VAC14: variants seen among roughly 807,000 people sequenced by gnomAD.
VAC14 encodes VAC14 component of PIKFYVE complex.
VAC14 carries 47 observed loss-of-function variants against 85.3 expected under a neutral mutation model. The observed-to-expected ratio is 0.55, with a 90% CI of 0.44 to 0.70. The LOEUF (loss-of-function observed/expected upper bound fraction) is 0.70. Ranked by LOEUF, VAC14 falls within the 30% of genes least tolerant of loss-of-function variation. VAC14 has a pLI of 0.00. For missense variants in VAC14, 861 were observed against 1,004.3 expected, an observed-to-expected ratio of 0.86 and a Z score of 1.93; for synonymous variants, 447 against 430.5, an observed-to-expected ratio of 1.04 and a Z score of -0.47.
intron 7 of VAC14, among the ~76,000 whole-genome samples, chr16:70,782,301 C>A (rs569541555): frequency 6.6e-6 from 1 of 152,362 alleles, no homozygotes; most frequent in South Asian, 2.1e-4. Flanking sequence ...CCCCTTGAAT[C>A]TGGGCTGGCC....
intron 10 of VAC14, chr16:70,766,460 C>T (rs548155102): frequency 2.4e-5 from 11 of 456,586 alleles, no homozygotes; most frequent in African/African-American, 2.0e-4. Flanking sequence ...CTGAACACAG[C>T]GAACCTGAAG....
At chr16:70,702,154 C>T (rs972539188) in intron 14 of VAC14, among the ~76,000 whole-genome samples, 2 of 152,260 alleles carry the variant, frequency 1.3e-5, no homozygotes, top group African/African-American at 4.8e-5. Flanking sequence ...CATGCCCAGG[C>T]AGGCCTTTTT....
intron 14 of VAC14, among the ~76,000 whole-genome samples, chr16:70,700,683 G>A (rs895976039): frequency 3.9e-5 from 6 of 152,208 alleles, no homozygotes; most frequent in Non-Finnish European, 8.8e-5. Context: ...CTGCTGCAGA[G>A]CCCAGACAGT....
chr16:70,701,511 C>T (rs2053827940), intron 14 of VAC14, among the ~76,000 whole-genome samples: 1 of 152,060 alleles, frequency 6.6e-6, no homozygotes, highest in African/African-American at 2.4e-5. Context: ...GGAGCACAAC[C>T]TACACGGCCA....
intron 14 of VAC14, among the ~76,000 whole-genome samples, chr16:70,705,882 C>T (rs1470558181): frequency 6.6e-6 from 1 of 152,224 alleles, no homozygotes; most frequent in Admixed American, 6.5e-5. Context: ...TTGTTGGTGG[C>T]CCCATGAGAG....
At chr16:70,702,980 C>T (rs919469869) in intron 14 of VAC14, among the ~76,000 whole-genome samples, 2 of 152,178 alleles carry the variant, frequency 1.3e-5, no homozygotes, top group Non-Finnish European at 2.9e-5. Flanking sequence ...CACAGCTGAC[C>T]GGAGGAGGAG....
chr16:70,746,936 TCAAA>T (rs1263501935), intron 12 of VAC14: 4 of 152,118 alleles, frequency 2.6e-5, no homozygotes, highest in Admixed American at 2.0e-4. Flanking sequence ...CAACAGCTCC[TCAAA>T]CAGTTACCCA....
intron 12 of VAC14, chr16:70,761,024 G>GTGTGTGTGTGTGTGTGTGTGT (rs1567577775): frequency 2.0e-5 from 4 of 197,510 alleles, no homozygotes; most frequent in African/African-American, 9.0e-5. Flanking sequence ...TGTGTGCATG[G>GTGTGTGTGTGTGTGTGTGTGT]GGGGGCGGGG....
At chr16:70,748,234 C>G (rs565224667) in intron 12 of VAC14, among the ~76,000 whole-genome samples, 1 of 152,336 alleles carries the variant, frequency 6.6e-6, no homozygotes, top group Non-Finnish European at 1.5e-5. Flanking sequence ...ACACAATGCT[C>G]CCTCTCCAGA....
intron 12 of VAC14, among the ~76,000 whole-genome samples, chr16:70,750,275 A>G (rs906237536): frequency 2.0e-5 from 3 of 152,250 alleles, no homozygotes; most frequent in Non-Finnish European, 4.4e-5. Context: ...AGAAAGCGGG[A>G]GGAAGCCACA....
intron 12 of VAC14, chr16:70,755,002 C>T (rs926104284): frequency 1.2e-5 from 2 of 163,330 alleles, no homozygotes; most frequent in African/African-American, 4.8e-5. Context: ...CTCAGACCAT[C>T]CAGTCCAACC....
rs577143498 is a variant in VAC14, at chr16:70,782,013, G to T, written c.812-10C>A. On this transcript the variant is annotated splice_polypyrimidine_tract_variant and intron_variant, in intron 7 of 18. Coordinates refer to ENST00000261776, the MANE Select transcript of VAC14 (RefSeq NM_018052.5). ...AGCTGGATGAGGTCATCTGGAAGGG[G>T]AATCAGGGGGTTCAGAGGGGCCAGC... 2.5e-6 allele frequency: 4 copies of T among 1,612,778 alleles called. No homozygotes were observed. The African/African-American group carries it at 4.0e-5, about 16-fold the overall frequency.
At chr16:70,695,472 T>C (rs898742349) in intron 17 of VAC14, 72 bp downstream of exon 17, 3 of 1,518,500 alleles carry the variant, frequency 2.0e-6, no homozygotes, top group African/African-American at 2.7e-5. Flanking sequence ...CAACTGGAGC[T>C]TGACTTCACC....
chr16:70,689,779 T>A (rs1430477115), intron 18 of VAC14: 2 of 985,370 alleles, frequency 2.0e-6, no homozygotes, highest in Non-Finnish European at 2.4e-6. Context: ...GTGGGCAGTG[T>A]TCTAGGCTGT....
intron 18 of VAC14, chr16:70,691,499 G>A (rs1390978291): frequency 1.1e-5 from 11 of 985,316 alleles, no homozygotes; most frequent in African/African-American, 3.5e-5. Context: ...ACAGCACTCC[G>A]GCCCCAGGAA....
intron 8 of VAC14, 137 bp from the exon 9 acceptor site, chr16:70,781,076 A>G (rs2033789766): frequency 1.6e-6 from 2 of 1,229,736 alleles, no homozygotes; most frequent in African/African-American, 1.5e-5. Context: ...TCCCTCACAA[A>G]TGGCTTGGTG....
chr16:70,784,545 C>G (rs2033961072), intron 4 of VAC14, among the ~76,000 whole-genome samples: 1 of 152,146 alleles, frequency 6.6e-6, no homozygotes, highest in Admixed American at 6.5e-5. Context: ...CTTCTTTGCT[C>G]TAGGTGGCGG....
At chr16:70,800,545 T>C (rs771932293) in intron 1 of VAC14, among the ~76,000 whole-genome samples, 1 of 152,152 alleles carries the variant, frequency 6.6e-6, no homozygotes, top group Non-Finnish European at 1.5e-5. Flanking sequence ...TACCCATACA[T>C]GATGTCACTT....
chr16:70,743,965 C>A (rs758635611), intron 13 of VAC14, among the ~76,000 whole-genome samples: 62 of 152,174 alleles, frequency 4.1e-4, no homozygotes, highest in Middle Eastern at 3.4e-3. Context: ...CCAGAAACAG[C>A]CTGTGTGAAT....
Sources: gnomAD v4.1 joint callset for allele counts (sites outside exome capture counted in the v4.1 genomes callset) on GRCh38, gnomAD v4.1.1 for gene constraint, MANE v1.5 for transcripts, NCBI Gene and HGNC (gene_info 2026-07-23, HGNC 2026-07-21) for gene names.